Variants in AR observed in about 807,000 individuals in gnomAD.
AR encodes androgen receptor.
A neutral mutation model predicts 53.9 loss-of-function variants in AR; 8 were observed. The ratio of observed to expected loss-of-function variants is 0.15; its 90% CI spans 0.09 to 0.27. The LOEUF (loss-of-function observed/expected upper bound fraction) is 0.27. Among genes scored for constraint, AR ranks in the 10% least tolerant of loss-of-function variants. The pLI, the probability that AR is intolerant of heterozygous loss-of-function variation, is 1.00. For synonymous variants in AR, 359 were observed against 316.4 expected (o/e 1.13, Z -1.43); for missense variants, 639 against 742.5 (o/e 0.86, Z 1.62).
intron 1 of AR, among the ~76,000 whole-genome samples, chrX:67,638,901 C>A (rs1457749234): frequency 9.0e-6 from 1 of 111,700 alleles, no homozygotes; most frequent in African/African-American, 3.3e-5. Flanking sequence ...AGTCTTTGCC[C>A]ATGCCTATGT....
intron 6 of AR, 111 bp from the exon 7 acceptor site, chrX:67,722,716 G>C: frequency 2.1e-6 from 2 of 942,279 alleles, no homozygotes; most frequent in Non-Finnish European, 3.0e-6. Flanking sequence ...CCAAGTAGAT[G>C]GTTCCCTGTG....
At chrX:67,617,662 G>T (rs1924185605) in intron 1 of AR, among the ~76,000 whole-genome samples, 1 of 111,668 alleles carries the variant, frequency 9.0e-6, no homozygotes, top group African/African-American at 3.3e-5. Context: ...TTATGTGAAT[G>T]TGCTTTATGT....
intron 3 of AR, chrX:67,694,995 G>A: frequency 2.2e-6 from 2 of 915,422 alleles, no homozygotes; most frequent in Admixed American, 5.6e-5. Flanking sequence ...ATTGTTTCCT[G>A]TAATGTGGCT....
chrX:67,546,514 T>TGGCGGTGGCGGC lies in AR; in HGVS notation c.1373_1374insTGGCGGCGGCGG (p.Gly470_Gly473dup), dbSNP rs1555969949. 3 of 509,498 alleles carry TGGCGGTGGCGGC rather than the reference T, an allele frequency of 5.9e-6. No homozygotes were observed. In the African/African-American group the frequency reaches 9.0e-5, roughly 15 times the overall value. The allele number at this position is 509,498 out of a possible 1,213,427, so 42.0% of individuals were successfully genotyped here. A position where few individuals can be genotyped will look rare whatever the true frequency, so the allele number is the denominator to read the frequency against. ...GACCGTGTGGTGGTGGTGGGGGTGG[T>TGGCGGTGGCGGC]GGCGGCGGCGGCGGCGGCGGCGGCG... is the stretch of plus-strand genomic sequence containing the variant. On this transcript the variant is annotated inframe_insertion, in exon 1 of 8. Transcript: ENST00000374690.
At position 67,545,347 on chromosome X, in the gene AR, G is replaced by GAGA; in HGVS notation, c.201_202insAGA (p.Gln67_Gln68insArg). On this transcript the variant is annotated inframe_insertion, in exon 1 of 8. Transcript: ENST00000374690. ...AGCAGCAGCAGCAGCAGCAGCAGCAGCAGCAGCAGCAGCAGCAGCAGCAGC... is the reference window on the plus strand; with the variant it reads ...AGCAGCAGCAGCAGCAGCAGCAGCAGAGACAGCAGCAGCAGCAGCAGCAGCAGC... The GAGA allele has an allele frequency of 8.6e-7, 1 of 1,167,864 alleles. No homozygotes were observed. Among genetic ancestry groups the GAGA allele is most frequent in the Non-Finnish European group, 1.1e-6 (1 of 873,081 alleles).
intron 1 of AR, among the ~76,000 whole-genome samples, chrX:67,633,131 G>T (rs923945203): frequency 8.9e-6 from 1 of 112,105 alleles, no homozygotes; most frequent in Admixed American, 9.4e-5. Flanking sequence ...TTGTTATTTG[G>T]TTTTTCTTCA....
chrX:67,715,593 C>A (rs769417404), intron 4 of AR, among the ~76,000 whole-genome samples: 2 of 111,880 alleles, frequency 1.8e-5, no homozygotes, highest in African/African-American at 3.3e-5. Context: ...GAGCTGTAAC[C>A]TTCATTAGTG....
At chrX:67,688,129 A>G (rs1332981409) in intron 3 of AR, among the ~76,000 whole-genome samples, 7 of 111,841 alleles carry the variant, frequency 6.3e-5, no homozygotes, top group Non-Finnish European at 1.3e-4. Context: ...ACTGGCCTTC[A>G]TTTCAGTTGC....
At chrX:67,721,440 G>A (rs1343185260) in intron 5 of AR, among the ~76,000 whole-genome samples, 1 of 111,868 alleles carries the variant, frequency 8.9e-6, no homozygotes, top group Non-Finnish European at 1.9e-5. Flanking sequence ...CTGGAAGGCA[G>A]GTTCTCATTC....
chrX:67,695,238 C>T (rs538568313), intron 3 of AR: 1 of 752,263 alleles, frequency 1.3e-6, no homozygotes, highest in African/African-American at 2.3e-5. Flanking sequence ...CGTATTTCCC[C>T]CTTAGGTTCT....
intron 1 of AR, among the ~76,000 whole-genome samples, chrX:67,589,923 A>G (rs772999546): frequency 1.2e-4 from 13 of 111,970 alleles, no homozygotes; most frequent in Admixed American, 3.8e-4. Flanking sequence ...GAAGACATCT[A>G]GGTTGCCACT....
chrX:67,635,203 G>A (rs1003020049), intron 1 of AR, among the ~76,000 whole-genome samples: 12 of 111,313 alleles, frequency 1.1e-4, no homozygotes, highest in African/African-American at 3.6e-4. Context: ...CATGTGGCAG[G>A]CACAGAGGCA....
chrX:67,687,510 A>T (rs1354244633), intron 3 of AR, among the ~76,000 whole-genome samples: 2 of 112,148 alleles, frequency 1.8e-5, no homozygotes, highest in Non-Finnish European at 3.8e-5. Flanking sequence ...GAGAAAACTC[A>T]ACCTTGTTTT....
intron 3 of AR, among the ~76,000 whole-genome samples, chrX:67,710,062 G>T (rs2076087392): frequency 9.0e-6 from 1 of 110,889 alleles, no homozygotes; most frequent in Non-Finnish European, 1.9e-5. Flanking sequence ...GTTTTTGTGT[G>T]TGCATGTGTG....
chrX:67,635,583 G>GGA (rs750057449), intron 1 of AR, among the ~76,000 whole-genome samples: 33 of 108,086 alleles, frequency 3.1e-4, no homozygotes, highest in South Asian at 1.6e-3. Flanking sequence ...AAGGAGTCAG[G>GGA]GAGAGAGAGA....
intron 2 of AR, among the ~76,000 whole-genome samples, chrX:67,658,729 T>C (rs1028798885): frequency 8.9e-6 from 1 of 111,932 alleles, no homozygotes; most frequent in Admixed American, 9.5e-5. Context: ...CTGTTCCAAG[T>C]CACCTTCTTT....
chrX:67,649,660 C>T (rs1374843868), intron 2 of AR, among the ~76,000 whole-genome samples: 2 of 112,026 alleles, frequency 1.8e-5, no homozygotes, highest in East Asian at 2.8e-4. Flanking sequence ...GTTTGTTGGC[C>T]GCATAAATGT....
At chrX:67,716,553 A>G (rs1230242361) in intron 4 of AR, among the ~76,000 whole-genome samples, 1 of 111,773 alleles carries the variant, frequency 8.9e-6, no homozygotes, top group African/African-American at 3.3e-5. Flanking sequence ...GGGCCTATTC[A>G]TGTATAATGA....
intron 2 of AR, among the ~76,000 whole-genome samples, chrX:67,653,539 C>T (rs977936756): frequency 2.7e-5 from 3 of 111,155 alleles, no homozygotes; most frequent in Non-Finnish European, 5.7e-5. Context: ...AGCAAAGACA[C>T]GGCGATGTGA....
Sources: gnomAD v4.1 joint callset for allele counts (sites outside exome capture counted in the v4.1 genomes callset) on GRCh38, gnomAD v4.1.1 for gene constraint, MANE v1.5 for transcripts, NCBI Gene and HGNC (gene_info 2026-07-23, HGNC 2026-07-21) for gene names.